AJUBA: variants seen among roughly 807,000 people sequenced by gnomAD.
The protein encoded by AJUBA is ajuba LIM protein, also known as LIM domain-containing protein ajuba.
A neutral mutation model predicts 53.3 loss-of-function variants in AJUBA; 20 were observed. The observed-to-expected ratio is 0.38, with a 90% confidence interval of 0.26 to 0.55. The LOEUF (loss-of-function observed/expected upper bound fraction) is 0.55. Ranked by LOEUF, AJUBA falls within the 20% of genes least tolerant of loss-of-function variation. The probability of loss-of-function intolerance (pLI) is 0.80; values close to 1 mark genes in which losing one functional copy is unlikely to be tolerated. For synonymous variants in AJUBA, 296 were observed against 306.2 expected (o/e 0.97, Z 0.35); for missense variants, 580 against 730.5 (o/e 0.79, Z 2.38).
At chr14:22,980,118 T>A (rs1355188004) in intron 1 of AJUBA, among the ~76,000 whole-genome samples, 1 of 152,158 alleles carries the variant, frequency 6.6e-6, no homozygotes, top group Non-Finnish European at 1.5e-5. Flanking sequence ...TTTCTAGCCA[T>A]AGAGTTCTAC....
chr14:22,982,166 C>A lies in AJUBA; in HGVS notation c.101G>T (p.Gly34Val). The A allele has an allele frequency of 4.3e-6, 7 of 1,612,828 alleles. No homozygotes were observed. The highest frequency in any genetic ancestry group is 5.9e-6 in the Non-Finnish European group (7 of 1,179,450). The change falls in exon 1 of 8, where the codon GGC (glycine) becomes GTC (valine). Residue 34 changes from glycine to valine, a missense_variant. By Grantham distance (109) the Gly-to-Val change is moderately radical. Coordinates refer to ENST00000262713, the MANE Select transcript of AJUBA (RefSeq NM_032876.6). The stretch of plus-strand genomic sequence containing the variant: ...CCCCAACCCACTTAGGCGCCCCTTG[C>A]CCGGCCCGGGGGTCCCGTCAGACCC... ...RSGSDGTPGPGKGRLSGLGGP... is the reference protein window; with the variant it reads ...RSGSDGTPGPVKGRLSGLGGP...
At chr14:22,973,961 A>G (rs777673372) in intron 7 of AJUBA, 86 bp downstream of exon 7, 58 of 1,492,944 alleles carry the variant, frequency 3.9e-5, no homozygotes, top group South Asian at 2.4e-4. Flanking sequence ...CACCTCTCCC[A>G]TAGATGTCTG....
At chr14:22,980,697 G>A (rs2045078513) in intron 1 of AJUBA, 2 of 984,844 alleles carry the variant, frequency 2.0e-6, no homozygotes, top group South Asian at 4.7e-5. Context: ...CCACTACTCC[G>A]CGTATGCTAG....
chr14:22,976,327 G>T (rs10134257), intron 4 of AJUBA, 129 bp downstream of exon 4: 228,602 of 974,994 alleles, frequency 0.23, 31,700 homozygotes, highest in African/African-American at 0.53. Context: ...GCTCTGGGGA[G>T]GAATGGGATG....
rs1371191091 is a variant in AJUBA, at chr14:22,973,186, A to T, written c.*257T>A. 2.0e-6 allele frequency: 1 copy of T among 507,828 alleles called. No homozygotes were observed. Among genetic ancestry groups the T allele is most frequent in the African/African-American group, 1.9e-5 (1 of 51,962 alleles). 31.5% of individuals were successfully genotyped at this position (507,828 alleles called of 1,614,324 possible). The stretch of plus-strand genomic sequence containing the variant: ...AATCAGATGTTCAGAAAGTCCTGGA[A>T]CCCTCCTGTGTGTGCCTAAGCTCAG... On this transcript the variant is annotated 3_prime_UTR_variant, in exon 8 of 8. Transcript: ENST00000262713.
chr14:22,976,148 CAAAAAAAAAAA>C (rs1214094875), intron 4 of AJUBA, among the ~76,000 whole-genome samples: 1 of 83,402 alleles, frequency 1.2e-5, no homozygotes, highest in South Asian at 5.4e-4. Context: ...GACTCTGTCT[CAAAAAAAAAAA>C]AAAAAAAAAG....
In AJUBA at chr14:22,981,458, C is replaced by A. The variant is rs1456056435; in HGVS notation, c.809G>T (p.Cys270Phe). The A allele has an allele frequency of 6.2e-7, 1 of 1,609,144 alleles. No individual in the cohort carries two copies. The highest frequency in any genetic ancestry group is 1.1e-5 in the South Asian group (1 of 90,620). The change falls in exon 1 of 8, where the codon TGC becomes TTC. Residue 270 changes from cysteine to phenylalanine, a missense_variant. Cys to Phe is a radical substitution (Grantham distance 205). Transcript: ENST00000262713. ...GTCCTGGTACCGGGCGCCCACGGCGCAGTCCCCGTAGCCGGTCACAGAGTG... is the reference window on the plus strand; with the variant it reads ...GTCCTGGTACCGGGCGCCCACGGCGAAGTCCCCGTAGCCGGTCACAGAGTG... Reference protein sequence around the residue: ...GRHSVTGYGDCAVGARYQDEL... With the variant: ...GRHSVTGYGDFAVGARYQDEL...
Position 22,973,325 on chromosome 14 carries a change from C to T in AJUBA, c.*118G>A. On this transcript the variant is annotated 3_prime_UTR_variant, in exon 8 of 8. Coordinates refer to ENST00000262713, the MANE Select transcript of AJUBA (RefSeq NM_032876.6). ...TGGGTCTCCGGCCCTTGGGGTCCTC[C>T]CCAGAGGACTCTTCTGCCAGGCCTG... 7.0e-7 allele frequency: 1 copy of T among 1,431,156 alleles called. No homozygotes were observed. Among genetic ancestry groups the T allele is most frequent in the Non-Finnish European group, 9.4e-7 (1 of 1,059,074 alleles). The allele number at this position is 1,431,156 out of a possible 1,614,324, so 88.7% of individuals were successfully genotyped here. A position where few individuals can be genotyped will look rare whatever the true frequency, so the allele number is the denominator to read the frequency against.
In AJUBA at chr14:22,974,778, C is replaced by T. The variant is rs2139347601; in HGVS notation, c.1422+61G>A. ...TGGCAGGAGGCCAGGCAGCATGTCC[C>T]TATCCCCTCCCCAAAGGCAGTGGCA... On this transcript the variant is annotated intron_variant, in intron 6 of 7. Coordinates refer to ENST00000262713, the MANE Select transcript of AJUBA (RefSeq NM_032876.6). 3 of 1,557,672 alleles carry T rather than the reference C, an allele frequency of 1.9e-6. No individual in the cohort carries two copies. The East Asian group carries it at 6.7e-5, about 35-fold the overall frequency.
intron 4 of AJUBA, 90 bp downstream of exon 4, chr14:22,976,366 T>C (rs2045036392): frequency 7.4e-7 from 1 of 1,345,532 alleles, no homozygotes; most frequent in Middle Eastern, 1.9e-4. Flanking sequence ...ACAGGCTTCT[T>C]TCCCCAACCT....
chr14:22,978,230 A>G, intron 2 of AJUBA, 114 bp downstream of exon 2: 1 of 1,017,654 alleles, frequency 9.8e-7, no homozygotes, highest in Non-Finnish European at 1.5e-6. Context: ...GGGATCCAAC[A>G]GCTGCTCTGT....
intron 6 of AJUBA, 33 bp from the exon 7 acceptor site, chr14:22,974,148 C>G (rs746584129): frequency 6.2e-7 from 1 of 1,610,768 alleles, no homozygotes; most frequent in South Asian, 1.1e-5. Flanking sequence ...GAGATGAGAG[C>G]AGCATGTTGC....
rs1244240274 is a variant in AJUBA at position 22,979,067 on chromosome 14, G to C, written c.1007-622C>G. 2 of 1,288,390 alleles carry C rather than the reference G, an allele frequency of 1.6e-6. No homozygotes were observed. Among genetic ancestry groups the C allele is most frequent in the Admixed American group, 4.6e-5 (2 of 43,472 alleles). 79.8% of individuals were successfully genotyped at this position (1,288,390 alleles called of 1,614,324 possible). ...GGGAGGTGGCTGCTGAGAATGCAGG[G>C]TGTGTTCCAGGAACCAGGGTTGAAC... On this transcript the variant is annotated intron_variant, in intron 1 of 7. Coordinates refer to ENST00000262713, the MANE Select transcript of AJUBA (RefSeq NM_032876.6). The surrounding 1 kb of genome is among the most constrained non-coding windows in gnomAD (Gnocchi z 4.0).
Position 22,979,776 on chromosome 14 carries a change from T to C in AJUBA, c.1007-1331A>G, listed in dbSNP as rs1594566452. Among the ~76,000 whole-genome samples, 2 of 152,238 alleles carry C rather than the reference T, an allele frequency of 1.3e-5. No homozygotes were observed. Among genetic ancestry groups the C allele is most frequent in the African/African-American group, 4.8e-5 (2 of 41,464 alleles). On this transcript the variant is annotated intron_variant, in intron 1 of 7. Coordinates refer to ENST00000262713, the MANE Select transcript of AJUBA (RefSeq NM_032876.6). This position sits in a 1 kb window ranked among gnomAD's most constrained non-coding sequence, Gnocchi z 4.0. ...CACCTCCTCTAACCCAGCATATCTA[T>C]ACCTATGTTCTTCCTGCCATTTTAT...
Position 22,982,454 on chromosome 14 carries a change from T to TC in AJUBA, c.-189dup. 7.0e-7 allele frequency: 1 copy of TC among 1,425,804 alleles called. No individual in the cohort carries two copies. Among genetic ancestry groups the TC allele is most frequent in the East Asian group, 2.6e-5 (1 of 37,770 alleles). 88.3% of individuals were successfully genotyped at this position (1,425,804 alleles called of 1,614,324 possible). A position where few individuals can be genotyped will look rare whatever the true frequency, so the allele number is the denominator to read the frequency against. On this transcript the variant is annotated 5_prime_UTR_variant, in exon 1 of 8. It removes the in-frame stop codon of an upstream open reading frame in the 5' UTR. Coordinates refer to ENST00000262713, the MANE Select transcript of AJUBA (RefSeq NM_032876.6). The stretch of plus-strand genomic sequence containing the variant: ...GCATCCCCCAGCGGGAGGGGCTGCG[T>TC]CCCCCCGCGCATCTGGGGCTGAGCG...
Position 22,979,163 on chromosome 14 carries a change from C to G in AJUBA, c.1007-718G>C. ...CTTCTATCATGGGAAGAATACAGAACTGAACTGCTTGCTATTCCCCAAAAT... is the reference window on the plus strand; with the variant it reads ...CTTCTATCATGGGAAGAATACAGAAGTGAACTGCTTGCTATTCCCCAAAAT... On this transcript the variant is annotated intron_variant, in intron 1 of 7. Transcript: ENST00000262713. The surrounding 1 kb of genome is among the most constrained non-coding windows in gnomAD (Gnocchi z 4.0). The G allele has an allele frequency of 8.3e-7, 1 of 1,198,936 alleles. No individual in the cohort carries two copies. The highest frequency in any genetic ancestry group is 1.5e-5 in the South Asian group (1 of 66,098). The allele number at this position is 1,198,936 out of a possible 1,614,324, so 74.3% of individuals were successfully genotyped here. A position where few individuals can be genotyped will look rare whatever the true frequency, so the allele number is the denominator to read the frequency against.
Position 22,979,147 on chromosome 14 carries a change from T to C in AJUBA, c.1007-702A>G, listed in dbSNP as rs2139354672. On this transcript the variant is annotated intron_variant, in intron 1 of 7. Coordinates refer to ENST00000262713, the MANE Select transcript of AJUBA (RefSeq NM_032876.6). The surrounding 1 kb of genome is among the most constrained non-coding windows in gnomAD (Gnocchi z 4.0). ...GATGCCTCCTAGTCACCTTCTATCA[T>C]GGGAAGAATACAGAACTGAACTGCT... 1.6e-6 allele frequency: 2 copies of C among 1,232,442 alleles called. No homozygotes were observed. The highest frequency in any genetic ancestry group is 2.1e-6 in the Non-Finnish European group (2 of 963,758). The allele number at this position is 1,232,442 out of a possible 1,614,324, so 76.3% of individuals were successfully genotyped here. A position where few individuals can be genotyped will look rare whatever the true frequency, so the allele number is the denominator to read the frequency against.
chr14:22,981,218 C>T lies in AJUBA; in HGVS notation c.1006+43G>A, dbSNP rs375629237. 8.8e-5 allele frequency: 135 copies of T among 1,542,308 alleles called. No individual in the cohort carries two copies. The African/African-American group carries it at 1.7e-3, about 19-fold the overall frequency. ...GTCGGGGCAGTGGAGAACCGAATAC[C>T]GTGACGGGTCCCTTCCCGTCCCTAA... On this transcript the variant is annotated intron_variant, in intron 1 of 7. Coordinates refer to ENST00000262713, the MANE Select transcript of AJUBA (RefSeq NM_032876.6).
In AJUBA at chr14:22,973,062, G is replaced by A. The variant is rs2044999283; in HGVS notation, c.*381C>T. 1.3e-5 allele frequency: 3 copies of A among 231,020 alleles called. No individual in the cohort carries two copies. The highest frequency in any genetic ancestry group is 6.1e-5 in the South Asian group (1 of 16,344). The allele number at this position is 231,020 out of a possible 1,614,324, so 14.3% of individuals were successfully genotyped here. ...AATCCCAGCACTTTGGGAGGCCAAGGTGGGAGGATCATTCGAGCCCAGGAG... is the reference window on the plus strand; with the variant it reads ...AATCCCAGCACTTTGGGAGGCCAAGATGGGAGGATCATTCGAGCCCAGGAG... On this transcript the variant is annotated 3_prime_UTR_variant, in exon 8 of 8. Transcript: ENST00000262713.
Sources: allele counts gnomAD v4.1 joint callset (sites outside exome capture counted in the v4.1 genomes callset), GRCh38; gene constraint gnomAD v4.1.1; non-coding constraint Gnocchi (gnomAD v3.1); transcripts MANE v1.5; gene names NCBI Gene and HGNC (gene_info 2026-07-23, HGNC 2026-07-21).